Variants in RNF2 observed in about 807,000 individuals in gnomAD.
The protein encoded by RNF2 is E3 ubiquitin-protein ligase RING2.
A neutral mutation model predicts 37.2 loss-of-function variants in RNF2; 6 were observed. The observed-to-expected ratio is 0.16, with a 90% CI of 0.09 to 0.32. The LOEUF (loss-of-function observed/expected upper bound fraction) is 0.32. Ranked by LOEUF, RNF2 falls within the 10% of genes least tolerant of loss-of-function variation. RNF2 has a pLI of 1.00. For synonymous variants in RNF2, 133 were observed against 132.7 expected, an observed-to-expected ratio of 1.00 and a Z score of -0.02; for missense variants, 251 against 404.0, an observed-to-expected ratio of 0.62 and a Z score of 3.25.
In RNF2 at chr1:185,054,968, A is replaced by G. The variant is rs1167500287; in HGVS notation, c.-3+9319A>G. 2.0e-5 allele frequency among the ~76,000 whole-genome samples: 3 copies of G among 152,212 alleles called. No homozygotes were observed. The East Asian group carries it at 5.8e-4, about 29-fold the overall frequency. ...GCCTGCCTCGGCCTTCCAGAGTGCTAGGATTACAGGCATGAGCCAATGCAC... is the reference window on the plus strand; with the variant it reads ...GCCTGCCTCGGCCTTCCAGAGTGCTGGGATTACAGGCATGAGCCAATGCAC... On this transcript the variant is annotated intron_variant, in intron 1 of 6. Transcript: ENST00000367510.
At chr1:185,094,706 A>G (rs1195799937) in intron 4 of RNF2, among the ~76,000 whole-genome samples, 1 of 152,168 alleles carries the variant, frequency 6.6e-6, no homozygotes, top group Non-Finnish European at 1.5e-5. Flanking sequence ...AATAGCTTCT[A>G]TTCACATTCA....
chr1:185,067,988 C>T (rs945199835), intron 1 of RNF2, among the ~76,000 whole-genome samples: 15 of 135,054 alleles, frequency 1.1e-4, no homozygotes, highest in Admixed American at 4.7e-4. Context: ...GGATTACAGG[C>T]ATGAGCCACA....
chr1:185,098,032 A>G lies in RNF2; in HGVS notation c.465-40A>G, dbSNP rs1192628547. ...TTCAGATTTGTTGCTTTAAAGGCCT[A>G]AAAGTAAATTTTATGCATCCTTTTT... On this transcript the variant is annotated intron_variant, in intron 4 of 6. Coordinates refer to ENST00000367510, the MANE Select transcript of RNF2 (RefSeq NM_007212.4). 9.4e-6 allele frequency: 15 copies of G among 1,600,964 alleles called. No homozygotes were observed. In the South Asian group the frequency reaches 1.3e-4, roughly 14 times the overall value.
intron 1 of RNF2, among the ~76,000 whole-genome samples, chr1:185,072,818 T>G (rs1651024888): frequency 6.6e-6 from 1 of 152,192 alleles, no homozygotes; most frequent in South Asian, 2.1e-4. Context: ...CACGCGCCTG[T>G]AGTCCCAGCT....
intron 1 of RNF2, among the ~76,000 whole-genome samples, chr1:185,061,847 A>C (rs991919911): frequency 2.0e-5 from 3 of 152,206 alleles, no homozygotes; most frequent in African/African-American, 7.2e-5. Flanking sequence ...AGAATATTAC[A>C]GTTTAGAGAG....
At chr1:185,072,015 G>C (rs141811524) in intron 1 of RNF2, 1 of 152,666 alleles carries the variant, frequency 6.6e-6, no homozygotes, top group Non-Finnish European at 1.5e-5. Context: ...GACAAAGCTA[G>C]AGATTAATCT....
At chr1:185,066,890 TGTG>T (rs1467012220) in intron 1 of RNF2, among the ~76,000 whole-genome samples, 2 of 152,046 alleles carry the variant, frequency 1.3e-5, no homozygotes, top group Non-Finnish European at 2.9e-5. Context: ...ATGGGAGAAA[TGTG>T]GTAGGAAGCA....
At chr1:185,062,198 A>C (rs1650626975) in intron 1 of RNF2, among the ~76,000 whole-genome samples, 1 of 152,182 alleles carries the variant, frequency 6.6e-6, no homozygotes, top group Non-Finnish European at 1.5e-5. Context: ...CTGTGGGGAT[A>C]GTGTTCTCAT....
At chr1:185,069,502 C>CTATT (rs1650904806) in intron 1 of RNF2, among the ~76,000 whole-genome samples, 1 of 150,876 alleles carries the variant, frequency 6.6e-6, no homozygotes, top group Non-Finnish European at 1.5e-5. Flanking sequence ...ACATTTGAGG[C>CTATT]TATTTATCTA....
chr1:185,097,949 CAG>C, intron 4 of RNF2, 121 bp from the exon 5 acceptor site: 6 of 1,001,604 alleles, frequency 6.0e-6, no homozygotes, highest in Non-Finnish European at 7.2e-6. Context: ...TCATCCAACT[CAG>C]AGTAAATTCA....
intron 1 of RNF2, among the ~76,000 whole-genome samples, chr1:185,055,329 G>T (rs1031712356): frequency 2.2e-4 from 34 of 152,268 alleles, no homozygotes; most frequent in African/African-American, 7.9e-4. Flanking sequence ...TCATGTCCAT[G>T]TCCAAAAAGT....
chr1:185,049,792 A>G (rs977259235), intron 1 of RNF2, among the ~76,000 whole-genome samples: 2 of 152,092 alleles, frequency 1.3e-5, no homozygotes, highest in Non-Finnish European at 2.9e-5. Flanking sequence ...GCTTGCTGCT[A>G]GTACTTATAA....
chr1:185,082,345 C>CTTTTGTTTTTTTTTTTT (rs1651443527), intron 1 of RNF2, among the ~76,000 whole-genome samples: 1 of 72,000 alleles, frequency 1.4e-5, no homozygotes. Flanking sequence ...CTCTGCAGAA[C>CTTTTGTTTTTTTTTTTT]TTTTTTTTTT....
chr1:185,080,362 A>G (rs1651309700), intron 1 of RNF2, among the ~76,000 whole-genome samples: 1 of 152,234 alleles, frequency 6.6e-6, no homozygotes, highest in Non-Finnish European at 1.5e-5. Flanking sequence ...TAAACAGAAG[A>G]GAAAAGATTA....
intron 1 of RNF2, among the ~76,000 whole-genome samples, chr1:185,065,941 CT>C (rs149091550): frequency 0.13 from 19,798 of 151,518 alleles, 1,435 homozygotes; most frequent in African/African-American, 0.15. Flanking sequence ...ATACTACTTT[CT>C]GCTATACTGT....
At chr1:185,076,877 C>T (rs1034970622) in intron 1 of RNF2, among the ~76,000 whole-genome samples, 1 of 151,518 alleles carries the variant, frequency 6.6e-6, no homozygotes, top group Non-Finnish European at 1.5e-5. Context: ...TTTTTGCATC[C>T]TCCAGGTAAA....
At chr1:185,091,476 T>G (rs1571323965) in intron 2 of RNF2, 103 bp from the exon 3 acceptor site, 5 of 1,145,524 alleles carry the variant, frequency 4.4e-6, no homozygotes, top group Admixed American at 2.0e-5. Context: ...GGGTGATGGG[T>G]ACATATATGT....
intron 2 of RNF2, among the ~76,000 whole-genome samples, chr1:185,089,590 T>C (rs1334220052): frequency 1.3e-5 from 2 of 151,820 alleles, no homozygotes; most frequent in Admixed American, 6.6e-5. Flanking sequence ...ATGATAATTA[T>C]ATATATATGG....
intron 1 of RNF2, among the ~76,000 whole-genome samples, chr1:185,081,245 G>T (rs1651340515): frequency 6.6e-6 from 1 of 152,152 alleles, no homozygotes; most frequent in Admixed American, 6.6e-5. Context: ...GGGATTCGAT[G>T]AACTCTTGGA....
Sources: gnomAD v4.1 joint callset for allele counts (sites outside exome capture counted in the v4.1 genomes callset) on GRCh38, gnomAD v4.1.1 for gene constraint, MANE v1.5 for transcripts, NCBI Gene and HGNC (gene_info 2026-07-23, HGNC 2026-07-21) for gene names.